The following DDC variants were observed in gnomAD, a reference collection of about 807,000 sequenced individuals.
DDC encodes aromatic-L-amino-acid decarboxylase.
DDC carries 43 observed loss-of-function variants against 60.0 expected under a neutral mutation model. The ratio of observed to expected loss-of-function variants is 0.72; its 90% CI spans 0.56 to 0.92. The LOEUF is 0.92. DDC is among the 40% of genes least tolerant of loss of function. The pLI, the probability that DDC is intolerant of heterozygous loss-of-function variation, is 0.00. For synonymous variants in DDC, 232 were observed against 234.6 expected, an observed-to-expected ratio of 0.99 and a Z score of 0.10; for missense variants, 573 against 620.2, an observed-to-expected ratio of 0.92 and a Z score of 0.81.
rs1172420809 is a variant in DDC, at chr7:50,543,878, C to A, written c.201+7G>T. The stretch of plus-strand genomic sequence containing the variant: ...CTCCTGTTTTCTGACCTTGGATACA[C>A]ACTTACCCCAGGCATGATTATCTTC... On this transcript the variant is annotated splice_region_variant and intron_variant, in intron 2 of 14. Transcript: ENST00000444124. 21 of 1,613,770 alleles carry A rather than the reference C, an allele frequency of 1.3e-5. No individual in the cohort carries two copies. The highest frequency in any genetic ancestry group is 1.8e-5 in the Non-Finnish European group (21 of 1,179,700).
chr7:50,477,599 T>A (rs2042675229), intron 10 of DDC: 1 of 454,044 alleles, frequency 2.2e-6, no homozygotes, highest in African/African-American at 2.0e-5. Context: ...TACAAGAACA[T>A]CTGAAGTCAC....
intron 11 of DDC, 115 bp from the exon 12 acceptor site, chr7:50,470,286 C>A (rs1318569337): frequency 3.9e-6 from 3 of 771,402 alleles, no homozygotes; most frequent in East Asian, 2.5e-5. Context: ...TGGTGGCCAA[C>A]CTGCTCCCAT....
At chr7:50,481,264 T>C (rs1433030096) in intron 9 of DDC, among the ~76,000 whole-genome samples, 1 of 152,174 alleles carries the variant, frequency 6.6e-6, no homozygotes, top group Non-Finnish European at 1.5e-5. Context: ...AGCTGTCTAG[T>C]GTATATTCTT....
intron 1 of DDC, among the ~76,000 whole-genome samples, chr7:50,551,447 G>A (rs1190268433): frequency 6.6e-6 from 1 of 151,840 alleles, no homozygotes; most frequent in African/African-American, 2.4e-5. Context: ...TGGCCAGGCT[G>A]GTCTCTAACT....
At position 50,550,244 on chromosome 7, in the gene DDC, A is replaced by G. The variant is rs1366164392; in HGVS notation, c.-28-6131T>C. On this transcript the variant is annotated intron_variant, in intron 1 of 14. Coordinates refer to ENST00000444124, the MANE Select transcript of DDC (RefSeq NM_001082971.2). ...CATGGAGGCAAGACCCTGCACCAGCAAAAAGATTATGTTTGCTGAAGGATC... is the reference window on the plus strand; with the variant it reads ...CATGGAGGCAAGACCCTGCACCAGCGAAAAGATTATGTTTGCTGAAGGATC... Among the ~76,000 whole-genome samples the G allele has an allele frequency of 2.6e-5, 4 of 152,374 alleles. No homozygotes were observed. In the East Asian group the frequency reaches 7.7e-4, roughly 29 times the overall value.
intron 1 of DDC, among the ~76,000 whole-genome samples, chr7:50,545,202 C>T (rs187909491): frequency 3.9e-4 from 59 of 152,332 alleles, no homozygotes; most frequent in Non-Finnish European, 4.6e-4. Flanking sequence ...TGGGAACATA[C>T]GCATCGGACA....
At chr7:50,483,395 T>C (rs1278385087) in intron 9 of DDC, among the ~76,000 whole-genome samples, 1 of 152,242 alleles carries the variant, frequency 6.6e-6, no homozygotes, top group African/African-American at 2.4e-5. Flanking sequence ...CATTGGATTT[T>C]ATTTGCTAAT....
chr7:50,559,004 T>A (rs1345902042), intron 1 of DDC, among the ~76,000 whole-genome samples: 1 of 152,172 alleles, frequency 6.6e-6, no homozygotes, highest in Non-Finnish European at 1.5e-5. Context: ...TCTGCTGCCC[T>A]CCATGCCCCA....
intron 4 of DDC, among the ~76,000 whole-genome samples, chr7:50,532,721 C>T (rs1470751252): frequency 6.6e-6 from 1 of 152,162 alleles, no homozygotes; most frequent in East Asian, 1.9e-4. Flanking sequence ...ATAATAGACA[C>T]AGCTTATATT....
chr7:50,510,431 G>A (rs2043523526), intron 6 of DDC, among the ~76,000 whole-genome samples: 1 of 152,118 alleles, frequency 6.6e-6, no homozygotes. Flanking sequence ...CACTTTGGGA[G>A]GCCAAGGCTG....
intron 1 of DDC, among the ~76,000 whole-genome samples, chr7:50,557,107 A>G (rs983214137): frequency 6.6e-6 from 1 of 152,226 alleles, no homozygotes; most frequent in Non-Finnish European, 1.5e-5. Flanking sequence ...AGCATAAGAG[A>G]AAAGGGAGAA....
At chr7:50,478,039 C>CA (rs58996327) in intron 10 of DDC, among the ~76,000 whole-genome samples, 108 of 145,228 alleles carry the variant, frequency 7.4e-4, no homozygotes, top group East Asian at 2.7e-3. Flanking sequence ...CCGTCTCTAC[C>CA]AAAAAAAAAA....
rs1047068415 is a variant in DDC, at chr7:50,546,885, G to C, written c.-28-2772C>G. Among the ~76,000 whole-genome samples, 7 of 152,230 alleles carry C rather than the reference G, an allele frequency of 4.6e-5. No individual in the cohort carries two copies. The South Asian group carries it at 8.3e-4, about 18-fold the overall frequency. On this transcript the variant is annotated intron_variant, in intron 1 of 14. Transcript: ENST00000444124. Reference sequence around the variant, plus strand: ...AACCACAATGACTGTCTGAAGTTCTGTTGCACCTTTGTGCTTCTTAAGCCA... The same window carrying C: ...AACCACAATGACTGTCTGAAGTTCTCTTGCACCTTTGTGCTTCTTAAGCCA...
At chr7:50,516,299 G>A (rs2043727813) in intron 6 of DDC, among the ~76,000 whole-genome samples, 1 of 152,120 alleles carries the variant, frequency 6.6e-6, no homozygotes, top group African/African-American at 2.4e-5. Context: ...CAAATACATG[G>A]AAATTAAATA....
chr7:50,495,925 C>G (rs2043117646), intron 8 of DDC, among the ~76,000 whole-genome samples: 1 of 152,120 alleles, frequency 6.6e-6, no homozygotes, highest in African/African-American at 2.4e-5. Flanking sequence ...GCTGAGCTAG[C>G]AAAGTTCTCA....
intron 7 of DDC, 107 bp downstream of exon 7, chr7:50,503,886 A>G (rs767572249): frequency 4.7e-6 from 4 of 852,554 alleles, no homozygotes; most frequent in South Asian, 1.3e-5. Context: ...TGGGCAAACC[A>G]TCACAATATG....
intron 9 of DDC, among the ~76,000 whole-genome samples, chr7:50,481,405 C>T (rs1216014433): frequency 1.3e-5 from 2 of 152,084 alleles, no homozygotes; most frequent in African/African-American, 2.4e-5. Flanking sequence ...TTAGAGAAAG[C>T]TCTGTGCCTA....
intron 1 of DDC, among the ~76,000 whole-genome samples, chr7:50,550,360 C>T (rs2044952167): frequency 6.6e-6 from 1 of 152,122 alleles, no homozygotes. Context: ...TAATAGACTA[C>T]AGTATAGTGT....
chr7:50,545,910 G>A (rs780291237), intron 1 of DDC, among the ~76,000 whole-genome samples: 1 of 152,108 alleles, frequency 6.6e-6, no homozygotes, highest in African/African-American at 2.4e-5. Context: ...GCATAGGATG[G>A]CACAAGGAAA....
Sources: allele counts gnomAD v4.1 joint callset (sites outside exome capture counted in the v4.1 genomes callset), GRCh38; gene constraint gnomAD v4.1.1; transcripts MANE v1.5; gene names NCBI Gene and HGNC (gene_info 2026-07-23, HGNC 2026-07-21).